The following ABCA13 variants were observed in gnomAD, a reference collection of about 807,000 sequenced individuals.
ABCA13 encodes ATP binding cassette subfamily A member 13.
A neutral mutation model predicts 478.7 loss-of-function variants in ABCA13; 476 were observed. The ratio of observed to expected loss-of-function variants is 0.99; its 90% CI spans 0.92 to 1.07. The LOEUF (loss-of-function observed/expected upper bound fraction) is 1.07. Among genes scored for constraint, ABCA13 ranks in the 50% least tolerant of loss-of-function variants. The pLI is 0.00. For missense variants in ABCA13, 6,060 were observed against 5,910.6 expected (o/e 1.03, Z -0.83); for synonymous variants, 2,252 against 2,158.9 (o/e 1.04, Z -1.20).
At chr7:48,410,869 C>G (rs745991307) in intron 40 of ABCA13, among the ~76,000 whole-genome samples, 192 bp downstream of exon 40, 4 of 152,146 alleles carry the variant, frequency 2.6e-5, no homozygotes, top group Non-Finnish European at 4.4e-5. Context: ...GCATTTTGAC[C>G]GCCAGGAGAA....
chr7:48,425,029 T>C (rs1821218089), intron 41 of ABCA13, among the ~76,000 whole-genome samples: 1 of 152,320 alleles, frequency 6.6e-6, no homozygotes, highest in South Asian at 2.1e-4. Context: ...ATAGGCAAAG[T>C]TCCAGAATTT....
rs374156880 is a variant in ABCA13 at position 48,646,768 on chromosome 7, C to G, written c.*1256C>G. On this transcript the variant is annotated 3_prime_UTR_variant, in exon 62 of 62. Transcript: ENST00000435803. The stretch of plus-strand genomic sequence containing the variant: ...TCTCCTGACCTTGTGATCCGCCCCC[C>G]TCCACCTCCCAAAGTGCTGGGATTA... The G allele has an allele frequency of 1.3e-5, 2 of 152,176 alleles. No individual in the cohort carries two copies. The highest frequency in any genetic ancestry group is 6.5e-5 in the Admixed American group (1 of 15,268). 9.4% of individuals were successfully genotyped at this position (152,176 alleles called of 1,614,324 possible).
intron 3 of ABCA13, among the ~76,000 whole-genome samples, chr7:48,205,607 C>T (rs1220096038): frequency 6.6e-6 from 1 of 152,152 alleles, no homozygotes; most frequent in Non-Finnish European, 1.5e-5. Context: ...CCTTGTTGTA[C>T]AAGTCAGTGA....
At chr7:48,632,424 CTTAA>C (rs1250628662) in intron 59 of ABCA13, among the ~76,000 whole-genome samples, 1 of 152,056 alleles carries the variant, frequency 6.6e-6, no homozygotes, top group Non-Finnish European at 1.5e-5. Flanking sequence ...TTTGATGATA[CTTAA>C]TTAATCTTTT....
intron 57 of ABCA13, among the ~76,000 whole-genome samples, chr7:48,591,283 A>G (rs13223000): frequency 1.3e-5 from 2 of 151,920 alleles, no homozygotes; most frequent in African/African-American, 4.8e-5. Context: ...TTAATTGACT[A>G]TATGTGTGTG....
Position 48,271,745 on chromosome 7 carries a change from AT to A in ABCA13, c.2121-35del, listed in dbSNP as rs747047842. 6.2e-5 allele frequency: 72 copies of A among 1,161,092 alleles called. 1 individual carries two copies. In the South Asian group the frequency reaches 1.0e-3, roughly 17 times the overall value. The allele number at this position is 1,161,092 out of a possible 1,614,324, so 71.9% of individuals were successfully genotyped here. On this transcript the variant is annotated intron_variant, in intron 16 of 61. Transcript: ENST00000435803. Reference sequence around the variant, plus strand: ...CTTGGAAATTTGATAAATCAAATTTATTTTTTTATTTTATACTAAAATAATT... The same window carrying A: ...CTTGGAAATTTGATAAATCAAATTTATTTTTTATTTTATACTAAAATAATT...
At chr7:48,304,565 A>C (rs1409295530) in intron 23 of ABCA13, among the ~76,000 whole-genome samples, 19 of 152,046 alleles carry the variant, frequency 1.2e-4, no homozygotes, top group Admixed American at 1.2e-3. Context: ...GCATTTCTCT[A>C]ATGATCAGCG....
chr7:48,248,106 C>A, intron 13 of ABCA13, 133 bp from the exon 14 acceptor site: 1 of 685,114 alleles, frequency 1.5e-6, no homozygotes, highest in Non-Finnish European at 2.4e-6. Context: ...AATTACCATG[C>A]CATAGGGCAC....
chr7:48,224,401 C>T (rs1383861598), intron 5 of ABCA13, among the ~76,000 whole-genome samples: 1 of 152,138 alleles, frequency 6.6e-6, no homozygotes, highest in Non-Finnish European at 1.5e-5. Flanking sequence ...AGCAATGGTT[C>T]AACTCTGGGC....
chr7:48,364,941 G>A (rs565296701), intron 31 of ABCA13, among the ~76,000 whole-genome samples: 1 of 152,138 alleles, frequency 6.6e-6, no homozygotes, highest in East Asian at 1.9e-4. Context: ...GGAATTGCTG[G>A]GTCATATTGT....
At chr7:48,496,968 G>GTT (rs148786592) in intron 48 of ABCA13, among the ~76,000 whole-genome samples, 1,733 of 149,206 alleles carry the variant, frequency 0.012, 37 homozygotes, top group African/African-American at 0.04. Flanking sequence ...TAGGTTTATG[G>GTT]TTTTTTTTTG....
chr7:48,558,403 T>C (rs553327541), intron 55 of ABCA13, among the ~76,000 whole-genome samples: 3 of 151,868 alleles, frequency 2.0e-5, no homozygotes, highest in African/African-American at 7.2e-5. Flanking sequence ...TTCAAGTGAC[T>C]CTCCTGCCTC....
intron 23 of ABCA13, among the ~76,000 whole-genome samples, chr7:48,299,947 A>G (rs1405181313): frequency 1.3e-5 from 2 of 152,234 alleles, no homozygotes; most frequent in Admixed American, 6.5e-5. Context: ...CAGTTAAGTA[A>G]TTGGGAGGAG....
At chr7:48,442,594 G>A (rs1421599486) in intron 42 of ABCA13, among the ~76,000 whole-genome samples, 9 of 152,122 alleles carry the variant, frequency 5.9e-5, no homozygotes, top group African/African-American at 2.2e-4. Context: ...GTAATGTTTA[G>A]AATATACATA....
At chr7:48,175,891 C>A (rs1247492450) in intron 1 of ABCA13, among the ~76,000 whole-genome samples, 1 of 152,024 alleles carries the variant, frequency 6.6e-6, no homozygotes, top group Admixed American at 6.6e-5. Flanking sequence ...ATAACAACAA[C>A]AACAACAACA....
rs994357011 is a variant in ABCA13 at position 48,546,180 on chromosome 7, C to T, written c.14354+17835C>T. On this transcript the variant is annotated intron_variant, in intron 55 of 61. Coordinates refer to ENST00000435803, the MANE Select transcript of ABCA13 (RefSeq NM_152701.5). ...AATAGCCACTAGCCACTTGTAGCAT[C>T]TAAAATTAAATGTAAATATGTTAAA... Among the ~76,000 whole-genome samples the T allele has an allele frequency of 5.3e-5, 8 of 151,966 alleles. 1 individual carries two copies. The highest frequency in any genetic ancestry group is 1.2e-4 in the Non-Finnish European group (8 of 67,824).
At chr7:48,500,425 T>C (rs1830644242) in intron 48 of ABCA13, among the ~76,000 whole-genome samples, 1 of 152,052 alleles carries the variant, frequency 6.6e-6, no homozygotes, top group Non-Finnish European at 1.5e-5. Flanking sequence ...CTTTCTTTAT[T>C]CATTACTCTT....
intron 50 of ABCA13, among the ~76,000 whole-genome samples, chr7:48,509,752 C>G (rs1028517555): frequency 7.9e-5 from 12 of 152,068 alleles, no homozygotes; most frequent in African/African-American, 2.9e-4. Context: ...ATGATTATGT[C>G]CCCCCAAAAT....
chr7:48,511,137 G>A lies in ABCA13; in HGVS notation c.13578G>A (p.Gln4526=). 1 of 1,613,614 alleles carries A rather than the reference G, an allele frequency of 6.2e-7. No individual in the cohort carries two copies. The highest frequency in any genetic ancestry group is 8.5e-7 in the Non-Finnish European group (1 of 1,179,688). The change falls in exon 51 of 62, where the codon CAG becomes CAA. Residue 4526 remains glutamine, a synonymous_variant. Transcript: ENST00000435803. The stretch of plus-strand genomic sequence containing the variant: ...GTGTTGCCGTTATTGTCGCCTTCCA[G>A]TTAACAGCTTTTACTTTCCGCAAGA... ...CLCVAVIVAF[Q]LTAFTFRKNL...
Sources: allele counts gnomAD v4.1 joint callset (sites outside exome capture counted in the v4.1 genomes callset), GRCh38; gene constraint gnomAD v4.1.1; transcripts MANE v1.5; gene names NCBI Gene and HGNC (gene_info 2026-07-23, HGNC 2026-07-21).